The following FLRT1 variants were observed in gnomAD, a reference collection of about 807,000 sequenced individuals.
FLRT1 encodes the protein fibronectin leucine rich transmembrane protein 1, also known as leucine-rich repeat transmembrane protein FLRT1.
Under a neutral mutation model 30.9 loss-of-function variants are expected in FLRT1, and 14 were observed. The observed-to-expected ratio is 0.45, with a 90% confidence interval of 0.30 to 0.71. The LOEUF (loss-of-function observed/expected upper bound fraction) is 0.71, where lower values mean the gene tolerates loss of function less well. FLRT1 is among the 30% of genes least tolerant of loss of function. The probability of loss-of-function intolerance (pLI) is 0.08; values close to 1 mark genes in which losing one functional copy is unlikely to be tolerated. For missense variants in FLRT1, 737 were observed against 949.2 expected (o/e 0.78, Z 2.94); for synonymous variants, 368 against 430.4 (o/e 0.85, Z 1.80).
intron 1 of FLRT1, among the ~76,000 whole-genome samples, chr11:64,068,253 C>G (rs1944041677): frequency 6.6e-6 from 1 of 152,222 alleles, no homozygotes; most frequent in South Asian, 2.1e-4. Context: ...CCCCTTCAGT[C>G]CCAGGCATTG....
chr11:64,098,785 G>C (rs1363121561), intron 1 of FLRT1, among the ~76,000 whole-genome samples: 1 of 152,186 alleles, frequency 6.6e-6, no homozygotes, highest in Non-Finnish European at 1.5e-5. Context: ...CTCTTCCCAG[G>C]GAGGGGGCAG....
At chr11:64,075,092 T>G (rs533607512) in intron 1 of FLRT1, among the ~76,000 whole-genome samples, 41 of 152,228 alleles carry the variant, frequency 2.7e-4, no homozygotes, top group Non-Finnish European at 5.0e-4. Flanking sequence ...CACTGTGGCT[T>G]CAGGAAGCAC....
intron 1 of FLRT1, among the ~76,000 whole-genome samples, chr11:64,076,267 C>T (rs769574874): frequency 9.2e-5 from 14 of 152,210 alleles, no homozygotes; most frequent in Non-Finnish European, 1.5e-4. Flanking sequence ...CAGGTGCCCC[C>T]ATGACCCTCC....
At chr11:64,105,255 A>G (rs1317197274) in intron 2 of FLRT1, among the ~76,000 whole-genome samples, 1 of 151,978 alleles carries the variant, frequency 6.6e-6, no homozygotes, top group African/African-American at 2.4e-5. Flanking sequence ...CCTGGTCCCT[A>G]CTGCCCCTCT....
chr11:64,091,341 T>C (rs1944486274), intron 1 of FLRT1, among the ~76,000 whole-genome samples: 1 of 152,084 alleles, frequency 6.6e-6, no homozygotes, highest in Non-Finnish European at 1.5e-5. Flanking sequence ...TCTGTCAAGT[T>C]TCCTGCCGTT....
At position 64,117,694 on chromosome 11, in the gene FLRT1, C is replaced by T; in HGVS notation, c.1427C>T (p.Ala476Val). 6.2e-7 allele frequency: 1 copy of T among 1,613,580 alleles called. No homozygotes were observed. The highest frequency in any genetic ancestry group is 8.5e-7 in the Non-Finnish European group (1 of 1,179,926). The change falls in exon 3 of 3, where the codon GCC becomes GTC. Residue 476 changes from alanine (A) to valine (V), a missense_variant. By Grantham distance (64) the Ala-to-Val change is moderately conservative (BLOSUM62 0). Transcript: ENST00000682287. ...TGGCTGCGCCTGGGCCACAGCCCAG[C>T]CGTGGGCTCCATCACGGAGACCTTG... ...LSWLRLGHSPAVGSITETLVQ... is the reference protein window; with the variant it reads ...LSWLRLGHSPVVGSITETLVQ...
At chr11:64,065,209 G>C in intron 1 of FLRT1, among the ~76,000 whole-genome samples, 1 of 152,206 alleles carries the variant, frequency 6.6e-6, no homozygotes, top group Non-Finnish European at 1.5e-5. Flanking sequence ...TGGGGTCAGA[G>C]AGGCCCAGAG....
chr11:64,079,602 G>A (rs1299735745), intron 1 of FLRT1, among the ~76,000 whole-genome samples: 1 of 152,190 alleles, frequency 6.6e-6, no homozygotes, highest in African/African-American at 2.4e-5. Flanking sequence ...CGTGGGGTGG[G>A]AGATGGGCTA....
At chr11:64,099,107 C>A (rs1944627619) in intron 1 of FLRT1, among the ~76,000 whole-genome samples, 1 of 152,226 alleles carries the variant, frequency 6.6e-6, no homozygotes, top group African/African-American at 2.4e-5. Context: ...AGGGGAAACA[C>A]AGCCAGACCT....
At chr11:64,111,569 T>C (rs1944863326) in intron 2 of FLRT1, among the ~76,000 whole-genome samples, 1 of 152,176 alleles carries the variant, frequency 6.6e-6, no homozygotes, top group Admixed American at 6.5e-5. Flanking sequence ...GGGCCCCTCA[T>C]GTCTCTGAGT....
intron 1 of FLRT1, among the ~76,000 whole-genome samples, chr11:64,098,365 C>G (rs577071726): frequency 6.6e-6 from 1 of 152,354 alleles, no homozygotes; most frequent in African/African-American, 2.4e-5. Context: ...CACCTCCAGT[C>G]TTCACATAGG....
At chr11:64,097,237 T>A (rs927590436) in intron 1 of FLRT1, among the ~76,000 whole-genome samples, 1 of 152,114 alleles carries the variant, frequency 6.6e-6, no homozygotes, top group Admixed American at 6.5e-5. Flanking sequence ...GACTGCTGGG[T>A]CCAGTGGGGC....
chr11:64,071,026 T>C (rs1488572342), intron 1 of FLRT1, among the ~76,000 whole-genome samples: 1 of 152,146 alleles, frequency 6.6e-6, no homozygotes, highest in Non-Finnish European at 1.5e-5. Context: ...AGAGCGGCCA[T>C]ACTCATCTCT....
chr11:64,058,822 G>A (rs1943842440), intron 1 of FLRT1, among the ~76,000 whole-genome samples: 3 of 152,178 alleles, frequency 2.0e-5, no homozygotes, highest in Non-Finnish European at 2.9e-5. Context: ...GTGGGAGGGC[G>A]TGAAGAGGGC....
chr11:64,044,606 G>A (rs1342061087), intron 1 of FLRT1, among the ~76,000 whole-genome samples: 1 of 152,166 alleles, frequency 6.6e-6, no homozygotes, highest in East Asian at 1.9e-4. Flanking sequence ...CTGAGGCACT[G>A]AGTGGCAAAG....
In FLRT1 at chr11:64,117,139, C is replaced by T; in HGVS notation, c.872C>T (p.Ala291Val). ...AGCCACATCCCCTACAACACGCTGG[C>T]CAAGATGCGTGAGCTGGAGCGGCTG... is the stretch of plus-strand genomic sequence containing the variant. Reference protein sequence around the residue: ...AISHIPYNTLAKMRELERLDL... With the variant: ...AISHIPYNTLVKMRELERLDL... Residue 291 changes from alanine (A) to valine (V), a missense_variant, in exon 3 of 3, where the codon GCC (alanine) becomes GTC (valine). Coordinates refer to ENST00000682287, the MANE Select transcript of FLRT1 (RefSeq NM_013280.5). The T allele has an allele frequency of 6.2e-7, 1 of 1,613,390 alleles. No homozygotes were observed. The highest frequency in any genetic ancestry group is 1.1e-5 in the South Asian group (1 of 90,966).
chr11:64,073,687 C>T (rs960360225), intron 1 of FLRT1, among the ~76,000 whole-genome samples: 6 of 152,294 alleles, frequency 3.9e-5, no homozygotes, highest in East Asian at 1.9e-4. Context: ...AGATGGCATG[C>T]GAGAGTGTGC....
At chr11:64,052,486 G>C (rs1399181673) in intron 1 of FLRT1, among the ~76,000 whole-genome samples, 1 of 152,186 alleles carries the variant, frequency 6.6e-6, no homozygotes, top group Non-Finnish European at 1.5e-5. Flanking sequence ...CTTGTGGGAA[G>C]GTTTAAATGT....
At chr11:64,078,352 C>T (rs1472052019) in intron 1 of FLRT1, among the ~76,000 whole-genome samples, 1 of 152,238 alleles carries the variant, frequency 6.6e-6, no homozygotes, top group Non-Finnish European at 1.5e-5. Context: ...CAGTCCCTGG[C>T]CCGTCTGCGT....
Sources: gnomAD v4.1 joint callset for allele counts (sites outside exome capture counted in the v4.1 genomes callset) on GRCh38, gnomAD v4.1.1 for gene constraint, MANE v1.5 for transcripts, NCBI Gene and HGNC (gene_info 2026-07-23, HGNC 2026-07-21) for gene names.